The following ZNF827 variants were observed in gnomAD, a reference collection of about 807,000 sequenced individuals.
ZNF827 encodes zinc finger protein 827.
ZNF827 carries 13 observed loss-of-function variants against 102.4 expected under a neutral mutation model. The observed-to-expected ratio is 0.13, with a 90% confidence interval of 0.08 to 0.20. The LOEUF (loss-of-function observed/expected upper bound fraction) is 0.20, where lower values mean the gene tolerates loss of function less well. ZNF827 is among the 10% of genes least tolerant of loss of function. The pLI is 1.00. For missense variants in ZNF827, 1,103 were observed against 1,344.4 expected (o/e 0.82, Z 2.81); for synonymous variants, 523 against 536.2 (o/e 0.98, Z 0.34).
At chr4:145,869,713 C>G (rs1489904281) in intron 5 of ZNF827, among the ~76,000 whole-genome samples, 1 of 152,164 alleles carries the variant, frequency 6.6e-6, no homozygotes, top group East Asian at 1.9e-4. Flanking sequence ...ATTCATTAAT[C>G]TTAAGAACAG....
intron 8 of ZNF827, among the ~76,000 whole-genome samples, chr4:145,810,662 A>C: frequency 6.6e-6 from 1 of 152,204 alleles, no homozygotes; most frequent in Non-Finnish European, 1.5e-5. Flanking sequence ...CATGTCACGC[A>C]TGTTGTCAGC....
chr4:145,789,227 T>C (rs542039045), intron 8 of ZNF827, among the ~76,000 whole-genome samples: 4 of 152,298 alleles, frequency 2.6e-5, no homozygotes, highest in South Asian at 4.2e-4. Context: ...CATTGCCTAT[T>C]TCTGAATTCT....
chr4:145,768,575 C>T (rs1735673664), intron 11 of ZNF827, among the ~76,000 whole-genome samples: 2 of 152,036 alleles, frequency 1.3e-5, no homozygotes, highest in African/African-American at 4.8e-5. Flanking sequence ...TTTACAGATT[C>T]AACATGACCC....
intron 1 of ZNF827, among the ~76,000 whole-genome samples, chr4:145,930,836 T>C (rs1176810417): frequency 6.6e-6 from 1 of 152,006 alleles, no homozygotes; most frequent in Non-Finnish European, 1.5e-5. Flanking sequence ...TCTGTGTGTG[T>C]GCGTGTGTGT....
intron 8 of ZNF827, among the ~76,000 whole-genome samples, chr4:145,790,176 T>C (rs529410417): frequency 6.6e-6 from 1 of 152,200 alleles, no homozygotes; most frequent in African/African-American, 2.4e-5. Flanking sequence ...TCAAAAGTTA[T>C]CTTCTATAAT....
chr4:145,904,777 T>C (rs558875037), intron 1 of ZNF827, among the ~76,000 whole-genome samples: 1 of 152,338 alleles, frequency 6.6e-6, no homozygotes, highest in African/African-American at 2.4e-5. Context: ...GTCACACAGA[T>C]CTACAGGACG....
At chr4:145,825,265 G>C (rs1579295366) in intron 7 of ZNF827, among the ~76,000 whole-genome samples, 1 of 152,236 alleles carries the variant, frequency 6.6e-6, no homozygotes, top group African/African-American at 2.4e-5. Context: ...AGCACTGTGA[G>C]AAAGCCTGCA....
At position 145,765,808 on chromosome 4, in the gene ZNF827, G is replaced by A; in HGVS notation, c.2861-70C>T. On this transcript the variant is annotated intron_variant, in intron 11 of 14. Coordinates refer to ENST00000508784, the MANE Select transcript of ZNF827 (RefSeq NM_001306215.2). The surrounding 1 kb of genome is among the most constrained non-coding windows in gnomAD (Gnocchi z 4.7). ...CCTCAGAATTATAGCAACTGAGGGTGACGAGTTGAGTCTCATGGATGCATC... is the reference window on the plus strand; with the variant it reads ...CCTCAGAATTATAGCAACTGAGGGTAACGAGTTGAGTCTCATGGATGCATC... The A allele has an allele frequency of 6.7e-7, 1 of 1,484,618 alleles. No homozygotes were observed. The allele number at this position is 1,484,618 out of a possible 1,614,324, so 92.0% of individuals were successfully genotyped here. A position where few individuals can be genotyped will look rare whatever the true frequency, so the allele number is the denominator to read the frequency against.
At chr4:145,922,246 C>A (rs937993069) in intron 1 of ZNF827, among the ~76,000 whole-genome samples, 3 of 152,160 alleles carry the variant, frequency 2.0e-5, no homozygotes, top group Non-Finnish European at 2.9e-5. Flanking sequence ...TAGTGGTTCT[C>A]AAAGTGTGGT....
At chr4:145,912,878 C>T (rs1379473061) in intron 1 of ZNF827, among the ~76,000 whole-genome samples, 1 of 152,204 alleles carries the variant, frequency 6.6e-6, no homozygotes, top group African/African-American at 2.4e-5. Context: ...TACTTTATTA[C>T]AGCAACCCAA....
chr4:145,830,663 A>G (rs1744122062), intron 7 of ZNF827: 1 of 152,188 alleles, frequency 6.6e-6, no homozygotes, highest in Non-Finnish European at 1.5e-5. Context: ...TTATATATGT[A>G]CATGTTGTAT....
chr4:145,904,237 A>T (rs551178078), intron 1 of ZNF827, among the ~76,000 whole-genome samples: 1 of 152,214 alleles, frequency 6.6e-6, no homozygotes, highest in Non-Finnish European at 1.5e-5. Context: ...CCCGACTCAA[A>T]GGTTTCTTCC....
chr4:145,871,915 T>A lies in ZNF827; in HGVS notation c.1748-1437A>T, dbSNP rs545772818. Among the ~76,000 whole-genome samples the A allele has an allele frequency of 3.9e-5, 6 of 152,304 alleles. No homozygotes were observed. In the East Asian group the frequency reaches 1.2e-3, roughly 29 times the overall value. ...GGGACCAGAACCTAAGTCCATGGGC[T>A]TCCCCTGCTGTGTCCCTTACCTGCC... On this transcript the variant is annotated intron_variant, in intron 4 of 14. Coordinates refer to ENST00000508784, the MANE Select transcript of ZNF827 (RefSeq NM_001306215.2).
chr4:145,860,205 T>C (rs376334066), intron 5 of ZNF827, among the ~76,000 whole-genome samples: 133 of 152,326 alleles, frequency 8.7e-4, no homozygotes, highest in Middle Eastern at 3.4e-3. Flanking sequence ...GGTCCACAAA[T>C]CAGTGCAATT....
chr4:145,870,490 A>G lies in ZNF827; in HGVS notation c.1748-12T>C, dbSNP rs368785495. On this transcript the variant is annotated splice_polypyrimidine_tract_variant and intron_variant, in intron 4 of 14. Transcript: ENST00000508784. ...CTTCTGATTTGCAGCTGTCAAAAGA[A>G]AAAAAGGGATTATATATACATAAAA... The G allele has an allele frequency of 1.9e-6, 3 of 1,612,298 alleles. No individual in the cohort carries two copies. The highest frequency in any genetic ancestry group is 1.3e-5 in the African/African-American group (1 of 74,744).
chr4:145,806,308 C>A (rs576361051), intron 8 of ZNF827, among the ~76,000 whole-genome samples: 1 of 146,700 alleles, frequency 6.8e-6, no homozygotes, highest in South Asian at 2.4e-4. Context: ...CACTCCACCA[C>A]GCCCAGCTAC....
At chr4:145,829,239 C>G (rs1305902896) in intron 7 of ZNF827, among the ~76,000 whole-genome samples, 1 of 152,090 alleles carries the variant, frequency 6.6e-6, no homozygotes, top group Non-Finnish European at 1.5e-5. Flanking sequence ...TAAAGAAAGA[C>G]TGCACTGTAA....
At chr4:145,771,114 C>G (rs1736212464) in intron 11 of ZNF827, 1 of 152,154 alleles carries the variant, frequency 6.6e-6, no homozygotes, top group Non-Finnish European at 1.5e-5. Flanking sequence ...AATTAGAGGC[C>G]TAAAGGTTTT....
Position 145,885,713 on chromosome 4 carries a change from A to T in ZNF827, c.1712T>A (p.Val571Asp), listed in dbSNP as rs1465695091. The change falls in exon 4 of 15, where the codon GTT (valine) becomes GAT (aspartate). Residue 571 changes from valine to aspartate, a missense_variant. Coordinates refer to ENST00000508784, the MANE Select transcript of ZNF827 (RefSeq NM_001306215.2). ...ASALFSQDIS[V>D]KMASDFLMKL... ...CATGAGAAAATCAGACGCCATCTTA[A>T]CAGAGATGTCCTGGCTGAACAATGC... 6.5e-7 allele frequency: 1 copy of T among 1,550,148 alleles called. No individual in the cohort carries two copies. The highest frequency in any genetic ancestry group is 8.7e-7 in the Non-Finnish European group (1 of 1,150,758).
Sources: allele counts gnomAD v4.1 joint callset (sites outside exome capture counted in the v4.1 genomes callset), GRCh38; gene constraint gnomAD v4.1.1; non-coding constraint Gnocchi (gnomAD v3.1); transcripts MANE v1.5; gene names NCBI Gene and HGNC (gene_info 2026-07-23, HGNC 2026-07-21).